LRFN2: variants seen among roughly 807,000 people sequenced by gnomAD.
LRFN2 encodes the protein leucine-rich repeat and fibronectin type-III domain-containing protein 2.
Under a neutral mutation model 37.3 loss-of-function variants are expected in LRFN2, and 18 were observed. The ratio of observed to expected loss-of-function variants is 0.48; its 90% CI spans 0.33 to 0.72. The LOEUF is 0.72. Among genes scored for constraint, LRFN2 ranks in the 30% least tolerant of loss-of-function variants. LRFN2 has a pLI of 0.02. For missense variants in LRFN2, 1,006 were observed against 1,060.7 expected, an observed-to-expected ratio of 0.95 and a Z score of 0.72; for synonymous variants, 556 against 466.6, an observed-to-expected ratio of 1.19 and a Z score of -2.47.
intron 1 of LRFN2, among the ~76,000 whole-genome samples, chr6:40,503,105 G>T (rs561234384): frequency 6.6e-6 from 1 of 152,296 alleles, no homozygotes; most frequent in South Asian, 2.1e-4. Context: ...AAAGATGGAG[G>T]TTGGGTGGGC....
chr6:40,400,777 T>C (rs1208502176), intron 2 of LRFN2, among the ~76,000 whole-genome samples: 3 of 151,700 alleles, frequency 2.0e-5, no homozygotes, highest in Admixed American at 6.6e-5. Flanking sequence ...TGAAAACCTT[T>C]CATGGATGTG....
In LRFN2 at chr6:40,392,352, T is replaced by C. The variant is rs750196021; in HGVS notation, c.1961A>G (p.Asp654Gly). 6.2e-7 allele frequency: 1 copy of C among 1,608,824 alleles called. No homozygotes were observed. Among genetic ancestry groups the C allele is most frequent in the Admixed American group, 1.7e-5 (1 of 59,560 alleles). Residue 654 changes from aspartate (D) to glycine (G), a missense_variant, in exon 3 of 3, where the codon GAC (aspartate) becomes GGC (glycine). Asp to Gly is a moderately conservative substitution (Grantham distance 94). Coordinates refer to ENST00000338305, the MANE Select transcript of LRFN2 (RefSeq NM_020737.3). The surrounding 1 kb of genome is among the most constrained non-coding windows in gnomAD (Gnocchi z 4.7). ...PSAPRPKPSL[D>G]RLMGAFASLD... ...GGAGGCGAAGGCCCCCATCAGGCGGTCAAGGCTGGGCTTGGGGCGCGGGGC... is the reference window on the plus strand; with the variant it reads ...GGAGGCGAAGGCCCCCATCAGGCGGCCAAGGCTGGGCTTGGGGCGCGGGGC...
intron 2 of LRFN2, among the ~76,000 whole-genome samples, chr6:40,403,671 G>T (rs1013695783): frequency 2.0e-5 from 3 of 152,138 alleles, no homozygotes; most frequent in Non-Finnish European, 4.4e-5. Flanking sequence ...CAGCAGGCAG[G>T]GTTGGCATCA....
intron 1 of LRFN2, among the ~76,000 whole-genome samples, chr6:40,448,056 C>T (rs564541373): frequency 9.8e-5 from 15 of 152,304 alleles, no homozygotes; most frequent in East Asian, 3.9e-4. Flanking sequence ...TCAAAAGCCA[C>T]GAGTGCTCCT....
At chr6:40,520,884 A>T (rs1461034696) in intron 1 of LRFN2, among the ~76,000 whole-genome samples, 1 of 152,058 alleles carries the variant, frequency 6.6e-6, no homozygotes, top group Non-Finnish European at 1.5e-5. Flanking sequence ...GGCCGCGCCC[A>T]GCAGCCAGGA....
At chr6:40,433,249 C>T in intron 1 of LRFN2, 118 bp from the exon 2 acceptor site, 1 of 762,138 alleles carries the variant, frequency 1.3e-6, no homozygotes, top group Non-Finnish European at 2.0e-6. Context: ...ATGGCAAGTG[C>T]TCAAGCAAGA....
intron 1 of LRFN2, among the ~76,000 whole-genome samples, chr6:40,538,183 C>T (rs1308482338): frequency 6.6e-6 from 1 of 152,158 alleles, no homozygotes; most frequent in Non-Finnish European, 1.5e-5. Context: ...GAACCCTAGG[C>T]ATTCAACACT....
chr6:40,487,656 G>A (rs1234198801), intron 1 of LRFN2, among the ~76,000 whole-genome samples: 1 of 152,218 alleles, frequency 6.6e-6, no homozygotes, highest in African/African-American at 2.4e-5. Flanking sequence ...TGAAACTGAT[G>A]GGGGAAAGTC....
intron 1 of LRFN2, among the ~76,000 whole-genome samples, chr6:40,519,084 G>C (rs545556235): frequency 5.1e-4 from 77 of 152,324 alleles, no homozygotes; most frequent in African/African-American, 1.8e-3. Flanking sequence ...GTCAGGGAAA[G>C]AGTTAGGGGA....
chr6:40,466,095 C>T (rs1251788101), intron 1 of LRFN2, among the ~76,000 whole-genome samples: 1 of 152,104 alleles, frequency 6.6e-6, no homozygotes, highest in Non-Finnish European at 1.5e-5. Flanking sequence ...TTTCATTAGC[C>T]ACCGAGCACT....
intron 1 of LRFN2, among the ~76,000 whole-genome samples, chr6:40,500,973 G>A (rs1177424125): frequency 1.4e-5 from 2 of 147,356 alleles, no homozygotes; most frequent in Non-Finnish European, 3.0e-5. Flanking sequence ...TTTGCATTGA[G>A]CATATATTAC....
chr6:40,558,746 A>G (rs1031229809), intron 1 of LRFN2, among the ~76,000 whole-genome samples: 1 of 152,170 alleles, frequency 6.6e-6, no homozygotes, highest in Admixed American at 6.5e-5. Flanking sequence ...CACTTTACTG[A>G]CATTGTCATT....
chr6:40,586,200 A>G (rs1030934158), intron 1 of LRFN2, among the ~76,000 whole-genome samples: 4 of 152,188 alleles, frequency 2.6e-5, no homozygotes, highest in Non-Finnish European at 4.4e-5. Context: ...CCACCTCGGA[A>G]CGGTCTACTG....
chr6:40,536,976 G>A (rs1027426309), intron 1 of LRFN2, among the ~76,000 whole-genome samples: 3 of 152,194 alleles, frequency 2.0e-5, no homozygotes, highest in Non-Finnish European at 4.4e-5. Context: ...ACAACACAAT[G>A]AGATAGGGTT....
At chr6:40,518,538 C>T (rs1765952640) in intron 1 of LRFN2, among the ~76,000 whole-genome samples, 8 of 152,234 alleles carry the variant, frequency 5.3e-5, no homozygotes, top group Admixed American at 4.6e-4. Flanking sequence ...TGAGTCAGAG[C>T]GGGGTCTTGG....
Position 40,562,837 on chromosome 6 carries a change from A to T in LRFN2, c.-19+24104T>A, listed in dbSNP as rs544575149. On this transcript the variant is annotated intron_variant, in intron 1 of 2. Coordinates refer to ENST00000338305, the MANE Select transcript of LRFN2 (RefSeq NM_020737.3). ...CGTGCTTATGTGCGTGCACTCACTC[A>T]CACACACACACACACACACACACAC... is the stretch of plus-strand genomic sequence containing the variant. Among the ~76,000 whole-genome samples, 13 of 131,910 alleles carry T rather than the reference A, an allele frequency of 9.9e-5. No homozygotes were observed. The East Asian group carries it at 1.8e-3, about 19-fold the overall frequency. The allele number at this position is 131,910 out of a possible 152,430, so 86.5% of individuals were successfully genotyped here.
At chr6:40,449,167 T>G (rs761842623) in intron 1 of LRFN2, among the ~76,000 whole-genome samples, 24 of 152,216 alleles carry the variant, frequency 1.6e-4, no homozygotes, top group Non-Finnish European at 2.9e-4. Context: ...GCACTTCAAA[T>G]GTTCTCACTA....
chr6:40,532,918 C>T (rs1474664494), intron 1 of LRFN2, among the ~76,000 whole-genome samples: 2 of 152,212 alleles, frequency 1.3e-5, no homozygotes, highest in Non-Finnish European at 2.9e-5. Context: ...GGCTTCATCA[C>T]ATCCGTAGCT....
At chr6:40,565,330 A>G (rs1400526719) in intron 1 of LRFN2, among the ~76,000 whole-genome samples, 5 of 152,198 alleles carry the variant, frequency 3.3e-5, no homozygotes, top group Admixed American at 3.3e-4. Context: ...TATAGATTCA[A>G]TGCCATCCCC....
Sources: allele counts gnomAD v4.1 joint callset (sites outside exome capture counted in the v4.1 genomes callset), GRCh38; gene constraint gnomAD v4.1.1; non-coding constraint Gnocchi (gnomAD v3.1); transcripts MANE v1.5; gene names NCBI Gene and HGNC (gene_info 2026-07-23, HGNC 2026-07-21).